Variants in NRG3 observed in about 807,000 individuals in gnomAD.
NRG3 encodes neuregulin 3.
In NRG3, 31 loss-of-function variants were observed where a neutral mutation model predicts 66.9. The ratio of observed to expected loss-of-function variants is 0.46; its 90% CI spans 0.35 to 0.63. NRG3 has a LOEUF of 0.63. Ranked by LOEUF, NRG3 falls within the 20% of genes least tolerant of loss-of-function variation. The pLI is 0.00. For synonymous variants in NRG3, 393 were observed against 359.4 expected (o/e 1.09, Z -1.06); for missense variants, 910 against 878.9 (o/e 1.04, Z -0.45).
rs188572445 is a variant in NRG3, at chr10:82,084,887, A to G, written c.823+208724A>G. On this transcript the variant is annotated intron_variant, in intron 1 of 8. Coordinates refer to ENST00000372141, the MANE Select transcript of NRG3 (RefSeq NM_001010848.4). ...TCAGGTAGCAGTTCTTCTCTACACA[A>G]TCAATGATGTTACCACTGCATGAAG... Among the ~76,000 whole-genome samples, 103 of 152,194 alleles carry G rather than the reference A, an allele frequency of 6.8e-4. 1 individual carries two copies. In the East Asian group the frequency reaches 0.016, roughly 23 times the overall value.
At chr10:82,883,868 T>C (rs1842497565) in intron 4 of NRG3, among the ~76,000 whole-genome samples, 1 of 152,036 alleles carries the variant, frequency 6.6e-6, no homozygotes, top group African/African-American at 2.4e-5. Flanking sequence ...TCCTGATTCA[T>C]CTTTTCTGTC....
At chr10:82,452,958 G>T (rs2091089583) in intron 2 of NRG3, among the ~76,000 whole-genome samples, 1 of 152,086 alleles carries the variant, frequency 6.6e-6, no homozygotes, top group Non-Finnish European at 1.5e-5. Flanking sequence ...GATGCAAGGG[G>T]TTCTATATAA....
At chr10:82,963,930 G>A (rs1384562732) in intron 6 of NRG3, among the ~76,000 whole-genome samples, 1 of 152,130 alleles carries the variant, frequency 6.6e-6, no homozygotes, top group East Asian at 1.9e-4. Flanking sequence ...TTTTGGTAGA[G>A]TTTTGAGAGT....
intron 1 of NRG3, among the ~76,000 whole-genome samples, chr10:82,053,333 G>A (rs1240847966): frequency 2.6e-5 from 4 of 152,140 alleles, no homozygotes; most frequent in Non-Finnish European, 4.4e-5. Context: ...TGTGGGAGTC[G>A]ATGGTTGGAG....
At chr10:82,350,857 G>T (rs770151918) in intron 1 of NRG3, among the ~76,000 whole-genome samples, 40 of 151,896 alleles carry the variant, frequency 2.6e-4, no homozygotes, top group Non-Finnish European at 5.6e-4. Flanking sequence ...ACAATATGGA[G>T]AGCTCACATG....
chr10:82,602,346 C>T (rs967121182), intron 2 of NRG3, among the ~76,000 whole-genome samples: 5 of 151,980 alleles, frequency 3.3e-5, no homozygotes, highest in African/African-American at 1.2e-4. Flanking sequence ...CAAGGAATAG[C>T]ATAAATTTCT....
intron 1 of NRG3, among the ~76,000 whole-genome samples, chr10:82,316,042 GA>G (rs756842464): frequency 7.2e-5 from 11 of 152,078 alleles, no homozygotes; most frequent in Non-Finnish European, 1.5e-4. Context: ...ATTCAGTTCT[GA>G]CCACAAGCAA....
chr10:82,264,726 C>G (rs891406460), intron 1 of NRG3, among the ~76,000 whole-genome samples: 8 of 152,064 alleles, frequency 5.3e-5, no homozygotes, highest in African/African-American at 1.4e-4. Context: ...TGAGGACATC[C>G]TAATGGCCAA....
At chr10:82,713,903 ACT>A (rs2056823009) in intron 2 of NRG3, among the ~76,000 whole-genome samples, 2 of 151,974 alleles carry the variant, frequency 1.3e-5, no homozygotes, top group Admixed American at 1.3e-4. Flanking sequence ...AGTCATTTCA[ACT>A]CTCATCATTT....
At chr10:82,635,193 C>T (rs2050104795) in intron 2 of NRG3, among the ~76,000 whole-genome samples, 1 of 152,146 alleles carries the variant, frequency 6.6e-6, no homozygotes, top group African/African-American at 2.4e-5. Flanking sequence ...CAGTCTTTTA[C>T]TACCACCTTC....
chr10:82,792,022 T>C (rs1591538563), intron 3 of NRG3, among the ~76,000 whole-genome samples: 1 of 152,286 alleles, frequency 6.6e-6, no homozygotes, highest in East Asian at 1.9e-4. Context: ...GGGATGGAAA[T>C]AGAGCTTAAA....
At chr10:82,927,475 C>T (rs1847119137) in intron 4 of NRG3, among the ~76,000 whole-genome samples, 2 of 152,178 alleles carry the variant, frequency 1.3e-5, no homozygotes, top group Non-Finnish European at 2.9e-5. Context: ...ATTATTTCTC[C>T]TAATGCTATC....
chr10:82,774,081 C>T (rs538414148), intron 3 of NRG3, among the ~76,000 whole-genome samples: 14 of 152,004 alleles, frequency 9.2e-5, no homozygotes, highest in Non-Finnish European at 1.3e-4. Flanking sequence ...ATTTTTTTGA[C>T]GTGTTGCTAA....
chr10:82,699,096 C>T (rs2055627805), intron 2 of NRG3, among the ~76,000 whole-genome samples: 1 of 152,106 alleles, frequency 6.6e-6, no homozygotes, highest in Non-Finnish European at 1.5e-5. Context: ...CTCTGAAGCA[C>T]ATGGGCATTA....
chr10:82,410,527 G>A (rs1465568941), intron 2 of NRG3, among the ~76,000 whole-genome samples: 1 of 151,026 alleles, frequency 6.6e-6, no homozygotes, highest in Non-Finnish European at 1.5e-5. Flanking sequence ...AAATAGATTA[G>A]TGGTGGCTAA....
chr10:82,197,668 A>C (rs927468783), intron 1 of NRG3, among the ~76,000 whole-genome samples: 8 of 152,172 alleles, frequency 5.3e-5, no homozygotes, highest in Non-Finnish European at 8.8e-5. Context: ...CTAGATAAAC[A>C]ACACCAGATG....
At chr10:82,593,312 G>C (rs969196607) in intron 2 of NRG3, among the ~76,000 whole-genome samples, 3 of 152,182 alleles carry the variant, frequency 2.0e-5, no homozygotes, top group Non-Finnish European at 4.4e-5. Context: ...ACAGGTCACT[G>C]TTGGTCAGGA....
intron 4 of NRG3, among the ~76,000 whole-genome samples, chr10:82,944,663 G>A (rs73313207): frequency 0.091 from 13,918 of 152,138 alleles, 841 homozygotes; most frequent in African/African-American, 0.16. Flanking sequence ...TGCCCCTCTC[G>A]ACTTACTAAG....
chr10:82,618,715 T>C (rs2048831842), intron 2 of NRG3, among the ~76,000 whole-genome samples: 2 of 152,076 alleles, frequency 1.3e-5, no homozygotes, highest in African/African-American at 2.4e-5. Context: ...TTAAATAAAC[T>C]ATATTTATAT....
Sources: gnomAD v4.1 joint callset for allele counts (sites outside exome capture counted in the v4.1 genomes callset) on GRCh38, gnomAD v4.1.1 for gene constraint, MANE v1.5 for transcripts, NCBI Gene and HGNC (gene_info 2026-07-23, HGNC 2026-07-21) for gene names.